MACROD2: variants seen among roughly 807,000 people sequenced by gnomAD.
MACROD2 encodes the protein ADP-ribose glycohydrolase MACROD2.
MACROD2 carries 36 observed loss-of-function variants against 70.4 expected under a neutral mutation model. The observed-to-expected ratio is 0.51, with a 90% confidence interval of 0.39 to 0.68. MACROD2 has a LOEUF of 0.68. Ranked by LOEUF, MACROD2 falls within the 30% of genes least tolerant of loss-of-function variation. MACROD2 has a pLI of 0.00. For synonymous variants in MACROD2, 172 were observed against 178.8 expected, an observed-to-expected ratio of 0.96 and a Z score of 0.30; for missense variants, 496 against 538.4, an observed-to-expected ratio of 0.92 and a Z score of 0.78.
intron 15 of MACROD2, among the ~76,000 whole-genome samples, chr20:16,027,323 C>A (rs1024380432): frequency 6.6e-6 from 1 of 152,128 alleles, no homozygotes; most frequent in African/African-American, 2.4e-5. Flanking sequence ...TGGTCATGGA[C>A]AAAGGTGATG....
At chr20:15,218,089 C>T (rs1051539815) in intron 5 of MACROD2, among the ~76,000 whole-genome samples, 1 of 152,142 alleles carries the variant, frequency 6.6e-6, no homozygotes, top group African/African-American at 2.4e-5. Context: ...TTTTTATTGT[C>T]CTTTTTTCTT....
In MACROD2 at chr20:14,071,252, G is replaced by GTTTTTTTTTTTTTTTTTTTTTT. The variant is rs59052053; in HGVS notation, c.164-14364_164-14343dup. 2.3e-4 allele frequency among the ~76,000 whole-genome samples: 15 copies of GTTTTTTTTTTTTTTTTTTTTTT among 63,952 alleles called. 6 individuals carry two copies. The highest frequency in any genetic ancestry group is 8.2e-4 in the African/African-American group (13 of 15,798). 42.0% of individuals were successfully genotyped at this position (63,952 alleles called of 152,430 possible). On this transcript the variant is annotated intron_variant, in intron 2 of 17. Transcript: ENST00000684519. ...GACAGTATTGGCCATTTCATCTTGT[G>GTTTTTTTTTTTTTTTTTTTTTT]TTTTTTTTTTTTTTTTTTTTTTTTT...
At chr20:14,671,898 G>T (rs759366708) in intron 4 of MACROD2, among the ~76,000 whole-genome samples, 2 of 152,162 alleles carry the variant, frequency 1.3e-5, no homozygotes, top group Non-Finnish European at 2.9e-5. Context: ...CCTGACACAT[G>T]AATCTTTCAT....
chr20:15,203,257 A>G (rs916852924), intron 5 of MACROD2, among the ~76,000 whole-genome samples: 2 of 152,198 alleles, frequency 1.3e-5, no homozygotes, highest in Non-Finnish European at 2.9e-5. Context: ...GGACAAGACA[A>G]GAGACAGATA....
chr20:15,399,819 T>C (rs924023811), intron 6 of MACROD2, among the ~76,000 whole-genome samples: 3 of 152,210 alleles, frequency 2.0e-5, no homozygotes, highest in Admixed American at 1.3e-4. Context: ...ATGCACTTCC[T>C]TAAGTTGAAA....
intron 8 of MACROD2, among the ~76,000 whole-genome samples, chr20:15,663,945 G>C (rs989386734): frequency 1.4e-4 from 21 of 152,292 alleles, no homozygotes; most frequent in Admixed American, 3.9e-4. Flanking sequence ...TATAATGATA[G>C]CTCCACAGGT....
intron 4 of MACROD2, among the ~76,000 whole-genome samples, chr20:14,528,483 A>G (rs1353187261): frequency 6.6e-6 from 1 of 152,206 alleles, no homozygotes; most frequent in East Asian, 1.9e-4. Flanking sequence ...CATGGTGTAC[A>G]AAGTTCCTGA....
intron 3 of MACROD2, among the ~76,000 whole-genome samples, chr20:14,149,179 A>G (rs987720689): frequency 9.6e-5 from 13 of 135,944 alleles, no homozygotes; most frequent in Middle Eastern, 3.8e-3. Flanking sequence ...CTTTATATCT[A>G]TAAGTACCCA....
intron 15 of MACROD2, among the ~76,000 whole-genome samples, chr20:16,037,715 G>A (rs1032226713): frequency 6.6e-6 from 1 of 151,802 alleles, no homozygotes; most frequent in African/African-American, 2.4e-5. Context: ...TTTGTGACAC[G>A]TCTGTTTGTG....
At chr20:15,942,238 G>A (rs1302336806) in intron 12 of MACROD2, among the ~76,000 whole-genome samples, 3 of 152,148 alleles carry the variant, frequency 2.0e-5, no homozygotes, top group Non-Finnish European at 4.4e-5. Context: ...TGGATCAAGA[G>A]CTAGATTGTG....
intron 5 of MACROD2, among the ~76,000 whole-genome samples, chr20:15,227,821 C>CTTTTTTTTTTTTTTTTTTT (rs1336974761): frequency 1.4e-4 from 2 of 13,878 alleles, no homozygotes; most frequent in Non-Finnish European, 2.5e-4. Flanking sequence ...AGAATTTCAC[C>CTTTTTTTTTTTTTTTTTTT]TGTTTTTTTT....
chr20:14,518,094 A>C (rs1478928245), intron 4 of MACROD2, among the ~76,000 whole-genome samples: 1 of 151,858 alleles, frequency 6.6e-6, no homozygotes, highest in Non-Finnish European at 1.5e-5. Flanking sequence ...TACTTTACAT[A>C]TTTTATATGA....
At chr20:15,986,134 G>A (rs1286320713) in intron 13 of MACROD2, among the ~76,000 whole-genome samples, 7 of 152,282 alleles carry the variant, frequency 4.6e-5, no homozygotes, top group South Asian at 4.1e-4. Flanking sequence ...GCCTGGTTTC[G>A]GGGCTGGTGC....
At chr20:16,021,038 G>C (rs1377893346) in intron 15 of MACROD2, among the ~76,000 whole-genome samples, 1 of 152,118 alleles carries the variant, frequency 6.6e-6, no homozygotes, top group Non-Finnish European at 1.5e-5. Flanking sequence ...TCCACCAACT[G>C]AATCAGTCCC....
chr20:14,542,072 C>T (rs1306377970), intron 4 of MACROD2, among the ~76,000 whole-genome samples: 1 of 152,216 alleles, frequency 6.6e-6, no homozygotes, highest in Non-Finnish European at 1.5e-5. Flanking sequence ...GGATTCCCAG[C>T]CTTTCTTGAA....
At chr20:14,018,362 A>G (rs971286614) in intron 2 of MACROD2, among the ~76,000 whole-genome samples, 3 of 151,836 alleles carry the variant, frequency 2.0e-5, no homozygotes, top group African/African-American at 7.3e-5. Context: ...GTGTAAAGTT[A>G]CGCTGTTGAA....
At chr20:14,809,138 T>C (rs1368551809) in intron 5 of MACROD2, among the ~76,000 whole-genome samples, 1 of 152,108 alleles carries the variant, frequency 6.6e-6, no homozygotes, top group Non-Finnish European at 1.5e-5. Context: ...TACATTCTTC[T>C]CAGTACCACA....
chr20:14,136,182 A>G (rs1332634068), intron 3 of MACROD2, among the ~76,000 whole-genome samples: 18 of 152,228 alleles, frequency 1.2e-4, no homozygotes, highest in Admixed American at 7.2e-4. Flanking sequence ...ATTTCTATAT[A>G]GTAGCAGCAC....
At chr20:14,108,316 C>T in intron 3 of MACROD2, among the ~76,000 whole-genome samples, 1 of 151,702 alleles carries the variant, frequency 6.6e-6, no homozygotes, top group East Asian at 1.9e-4. Context: ...ATCACTTTCA[C>T]TAAGAGGAAG....
Sources: gnomAD v4.1 joint callset for allele counts (sites outside exome capture counted in the v4.1 genomes callset) on GRCh38, gnomAD v4.1.1 for gene constraint, MANE v1.5 for transcripts, NCBI Gene and HGNC (gene_info 2026-07-23, HGNC 2026-07-21) for gene names.